The following RBM6 variants were observed in gnomAD, a reference collection of about 807,000 sequenced individuals.
The protein encoded by RBM6 is RNA binding motif protein 6.
A neutral mutation model predicts 140.4 loss-of-function variants in RBM6; 23 were observed. That is an observed-to-expected ratio of 0.16 (90% CI 0.12 to 0.23). RBM6 has a LOEUF of 0.23. Ranked by LOEUF, RBM6 falls within the 10% of genes least tolerant of loss-of-function variation. The probability of loss-of-function intolerance (pLI) is 1.00; values close to 1 mark genes in which losing one functional copy is unlikely to be tolerated. For missense variants in RBM6, 1,139 were observed against 1,386.7 expected, an observed-to-expected ratio of 0.82 and a Z score of 2.84; for synonymous variants, 439 against 475.6, an observed-to-expected ratio of 0.92 and a Z score of 1.00.
In RBM6 at chr3:49,968,202, T is replaced by C. The variant is rs1559534931; in HGVS notation, c.777T>C (p.Gly259=). The change falls in exon 3 of 21, where the codon GGT becomes GGC. Residue 259 remains glycine (G), a synonymous_variant. Transcript: ENST00000266022. ...ATACGCCACATTCAGATTTCAGAGG[T>C]AGACACCGATCTAGGACTGATCAGG... ...DRDTPHSDFR[G]RHRSRTDQDF... 2 of 1,613,900 alleles carry C rather than the reference T, an allele frequency of 1.2e-6. No homozygotes were observed. Among genetic ancestry groups the C allele is most frequent in the Non-Finnish European group, 1.7e-6 (2 of 1,179,972 alleles).
chr3:50,075,367 C>T (rs2090430602), intron 20 of RBM6, 37 bp downstream of exon 20: 1 of 1,598,614 alleles, frequency 6.3e-7, no homozygotes, highest in Non-Finnish European at 8.5e-7. Context: ...GTGACATGAA[C>T]CTGGAATGTA....
chr3:50,062,630 C>T (rs955919533), intron 15 of RBM6, among the ~76,000 whole-genome samples: 3 of 152,164 alleles, frequency 2.0e-5, no homozygotes, highest in African/African-American at 7.2e-5. Context: ...AGTGGCCCAG[C>T]TCAAATCCCA....
chr3:50,021,740 C>CT lies in RBM6; in HGVS notation c.1557+22257dup, dbSNP rs542734328. Among the ~76,000 whole-genome samples the CT allele has an allele frequency of 1.2e-3, 50 of 42,752 alleles. 17 individuals carry two copies. The highest frequency in any genetic ancestry group is 2.3e-3 in the Admixed American group (5 of 2,208). 28.0% of individuals were successfully genotyped at this position (42,752 alleles called of 152,430 possible). On this transcript the variant is annotated intron_variant, in intron 6 of 20. Transcript: ENST00000266022. ...ATCTCCATACTGAGGAATTTAAGTG[C>CT]TTTTTTTTTTTTTTTTTTTTTTTTT... is the stretch of plus-strand genomic sequence containing the variant.
At chr3:50,040,199 C>T (rs1307381607) in intron 6 of RBM6, among the ~76,000 whole-genome samples, 2 of 151,980 alleles carry the variant, frequency 1.3e-5, no homozygotes, top group African/African-American at 2.4e-5. Flanking sequence ...GTAATCCCAA[C>T]ACTTTGGGAG....
chr3:49,965,611 A>T (rs1002365431), intron 2 of RBM6, among the ~76,000 whole-genome samples: 1 of 152,006 alleles, frequency 6.6e-6, no homozygotes, highest in Non-Finnish European at 1.5e-5. Flanking sequence ...CGGAGCTTGC[A>T]GTGAGCCAAT....
chr3:49,984,585 G>GACATCACATC (rs1223070354), intron 5 of RBM6, among the ~76,000 whole-genome samples: 4 of 134,726 alleles, frequency 3.0e-5, no homozygotes, highest in African/African-American at 1.2e-4. Flanking sequence ...TGTCTAACGT[G>GACATCACATC]ACATCACATC....
At position 49,967,562 on chromosome 3, in the gene RBM6, A is replaced by G. The variant is rs779133184; in HGVS notation, c.137A>G (p.Asn46Ser). 1 of 1,614,148 alleles carries G rather than the reference A, an allele frequency of 6.2e-7. No homozygotes were observed. ...KSHAQERHSG[N>S]FPGRDSLPFD... ...CATGCTCAAGAGAGACACTCTGGCA[A>G]CTTTCCTGGCAGAGATTCACTTCCC... Residue 46 changes from asparagine (N) to serine (S), a missense_variant, in exon 3 of 21, where the codon AAC becomes AGC. Asn to Ser is a conservative substitution (Grantham distance 46). Coordinates refer to ENST00000266022, the MANE Select transcript of RBM6 (RefSeq NM_005777.3). This position sits in a 1 kb window ranked among gnomAD's most constrained non-coding sequence, Gnocchi z 4.0.
intron 3 of RBM6, 25 bp downstream of exon 3, chr3:49,968,773 T>TGG: frequency 1.5e-6 from 1 of 662,752 alleles, no homozygotes; most frequent in Non-Finnish European, 2.0e-6. Context: ...TGGATTGCTT[T>TGG]TTTTTTTTTT....
At chr3:50,009,943 C>T (rs2086765177) in intron 6 of RBM6, among the ~76,000 whole-genome samples, 1 of 152,122 alleles carries the variant, frequency 6.6e-6, no homozygotes, top group Non-Finnish European at 1.5e-5. Context: ...GGCTGGAGTG[C>T]GATGGCACAG....
chr3:49,975,698 G>T (rs998687276), intron 5 of RBM6, among the ~76,000 whole-genome samples: 1 of 152,198 alleles, frequency 6.6e-6, no homozygotes, highest in Non-Finnish European at 1.5e-5. Context: ...GTTCTTCATG[G>T]TGGTGGAATG....
intron 6 of RBM6, among the ~76,000 whole-genome samples, chr3:50,010,576 C>T (rs1307371864): frequency 6.6e-6 from 1 of 151,860 alleles, no homozygotes; most frequent in Non-Finnish European, 1.5e-5. Context: ...AATTTTATCT[C>T]AATTTTAAAA....
intron 5 of RBM6, among the ~76,000 whole-genome samples, chr3:49,993,188 C>T (rs906632199): frequency 2.6e-5 from 4 of 152,066 alleles, no homozygotes; most frequent in African/African-American, 4.8e-5. Context: ...TGAGTAAGGG[C>T]GAGTGTTTCC....
At chr3:50,064,886 G>T (rs1468663469) in intron 15 of RBM6, 145 bp from the exon 16 acceptor site, 1 of 611,400 alleles carries the variant, frequency 1.6e-6, no homozygotes, top group Non-Finnish European at 2.9e-6. Context: ...ATTAGCCAGG[G>T]TGGTCTCGAT....
At chr3:49,953,340 C>T (rs2083825370) in intron 1 of RBM6, among the ~76,000 whole-genome samples, 1 of 151,970 alleles carries the variant, frequency 6.6e-6, no homozygotes, top group Admixed American at 6.6e-5. Context: ...CTCCCTCAGC[C>T]TCCTGAGTAG....
intron 6 of RBM6, among the ~76,000 whole-genome samples, chr3:50,030,283 T>C (rs1027809664): frequency 1.0e-5 from 1 of 97,980 alleles, no homozygotes; most frequent in Non-Finnish European, 1.9e-5. Flanking sequence ...ACTCTTTTTG[T>C]CTTAAAAAAA....
chr3:49,956,551 C>T (rs950707576), intron 1 of RBM6, among the ~76,000 whole-genome samples: 7 of 151,706 alleles, frequency 4.6e-5, no homozygotes, highest in Non-Finnish European at 1.0e-4. Flanking sequence ...AGGCTGGTCT[C>T]GAACTCCTGA....
chr3:50,057,976 G>C lies in RBM6; in HGVS notation c.1942G>C (p.Glu648Gln). 1 of 1,613,940 alleles carries C rather than the reference G, an allele frequency of 6.2e-7. No individual in the cohort carries two copies. Among genetic ancestry groups the C allele is most frequent in the South Asian group, 1.1e-5 (1 of 91,064 alleles). ...CCGAGAGAGGGAGTCATGGTCTGGA[G>C]AGACACGCCAGGATGGAGAGAGCAA... ...RDRERESWSG[E>Q]TRQDGESKTI... Residue 648 changes from glutamate (E) to glutamine (Q), a missense_variant, in exon 9 of 21, where the codon GAG becomes CAG. Physicochemically the swap from Glu to Gln is conservative, Grantham distance 29. This residue lies in a region of RBM6 where 109 missense variants were observed against 101.9 expected (regional missense o/e 1.07). Coordinates refer to ENST00000266022, the MANE Select transcript of RBM6 (RefSeq NM_005777.3).
At chr3:50,064,556 G>C (rs1174893886) in intron 15 of RBM6, among the ~76,000 whole-genome samples, 1 of 151,902 alleles carries the variant, frequency 6.6e-6, no homozygotes, top group African/African-American at 2.4e-5. Flanking sequence ...CTGTCACCCA[G>C]GCTGGAATGG....
At chr3:50,037,681 TG>T (rs1301605992) in intron 6 of RBM6, among the ~76,000 whole-genome samples, 1 of 152,160 alleles carries the variant, frequency 6.6e-6, no homozygotes, top group East Asian at 1.9e-4. Flanking sequence ...TTAATAGCAA[TG>T]GAGATGGGGT....
Sources: allele counts gnomAD v4.1 joint callset (sites outside exome capture counted in the v4.1 genomes callset), GRCh38; gene constraint gnomAD v4.1.1; regional missense constraint gnomAD v4.1.1; non-coding constraint Gnocchi (gnomAD v3.1); transcripts MANE v1.5; gene names NCBI Gene and HGNC (gene_info 2026-07-23, HGNC 2026-07-21).